ZFHX3: variants seen among roughly 807,000 people sequenced by gnomAD.
ZFHX3 encodes zinc finger homeobox protein 3.
In ZFHX3, 42 loss-of-function variants were observed where a neutral mutation model predicts 279.1. The ratio of observed to expected loss-of-function variants is 0.15; its 90% CI spans 0.12 to 0.19. ZFHX3 has a LOEUF of 0.19. Ranked by LOEUF, ZFHX3 falls within the 10% of genes least tolerant of loss-of-function variation. The pLI is 1.00. For synonymous variants in ZFHX3, 2,293 were observed against 1,957.8 expected (o/e 1.17, Z -4.52); for missense variants, 4,981 against 4,754.0 (o/e 1.05, Z -1.40).
chr16:73,105,356 C>CATAT (rs375625633), intron 7 of ZFHX3, among the ~76,000 whole-genome samples: 2,298 of 119,956 alleles, frequency 0.019, 91 homozygotes, highest in African/African-American at 0.055. Flanking sequence ...TATATATACA[C>CATAT]ATATATATAC....
chr16:73,313,461 C>T (rs562656616), intron 4 of ZFHX3, among the ~76,000 whole-genome samples: 1 of 152,270 alleles, frequency 6.6e-6, no homozygotes, highest in Admixed American at 6.5e-5. Context: ...GAATGCTGCA[C>T]CTATACAACT....
chr16:73,184,028 T>C (rs1967858190), intron 5 of ZFHX3, among the ~76,000 whole-genome samples: 1 of 152,176 alleles, frequency 6.6e-6, no homozygotes, highest in Non-Finnish European at 1.5e-5. Context: ...ACCATGTGTC[T>C]CTAAAGAAGA....
intron 2 of ZFHX3, among the ~76,000 whole-genome samples, chr16:73,591,714 A>G (rs866924632): frequency 2.8e-4 from 41 of 145,348 alleles, no homozygotes; most frequent in African/African-American, 7.5e-4. Context: ...AAAAAAAAAA[A>G]AAAAGAAAAG....
chr16:73,711,984 G>A (rs191073203), intron 1 of ZFHX3, among the ~76,000 whole-genome samples: 2 of 152,342 alleles, frequency 1.3e-5, no homozygotes, highest in African/African-American at 4.8e-5. Context: ...GAAAGAAGGG[G>A]AAGCAAAAGA....
intron 1 of ZFHX3, among the ~76,000 whole-genome samples, chr16:73,786,414 G>C (rs1032770766): frequency 6.6e-6 from 1 of 152,046 alleles, no homozygotes; most frequent in Non-Finnish European, 1.5e-5. Context: ...AAAAAAAACT[G>C]TTGGAAGCTC....
chr16:73,163,212 A>G lies in ZFHX3; in HGVS notation c.-1103-19381T>C, dbSNP rs547887149. On this transcript the variant is annotated intron_variant, in intron 5 of 17. Coordinates refer to the ZFHX3 transcript ENST00000641206. Reference sequence around the variant, plus strand: ...TTGTCCCATGAGACAGCTTAATGCAATAAGCACATACTGAGCCAGGTGCAG... The same window carrying G: ...TTGTCCCATGAGACAGCTTAATGCAGTAAGCACATACTGAGCCAGGTGCAG... 4.6e-5 allele frequency among the ~76,000 whole-genome samples: 7 copies of G among 152,348 alleles called. No individual in the cohort carries two copies. In the East Asian group the frequency reaches 5.8e-4, roughly 13 times the overall value.
intron 4 of ZFHX3, among the ~76,000 whole-genome samples, chr16:72,851,615 T>G (rs1447323717): frequency 2.0e-5 from 3 of 152,002 alleles, no homozygotes; most frequent in Non-Finnish European, 4.4e-5. Context: ...ACTGCAGTGG[T>G]GCAAGCTCTG....
chr16:72,832,280 G>A (rs1040728954), intron 4 of ZFHX3, among the ~76,000 whole-genome samples: 3 of 152,138 alleles, frequency 2.0e-5, no homozygotes, highest in Admixed American at 6.5e-5. Flanking sequence ...AGAAACTAGA[G>A]ACTGTAATGT....
intron 4 of ZFHX3, among the ~76,000 whole-genome samples, chr16:73,311,738 A>T (rs1349217205): frequency 1.3e-5 from 2 of 152,070 alleles, no homozygotes; most frequent in Non-Finnish European, 1.5e-5. Flanking sequence ...ATCAAATATA[A>T]TTTTTTTCCA....
intron 5 of ZFHX3, among the ~76,000 whole-genome samples, chr16:73,234,335 T>C (rs1264663513): frequency 2.6e-5 from 4 of 152,184 alleles, no homozygotes; most frequent in Admixed American, 2.0e-4. Context: ...AATCAGTAAA[T>C]GGCTGTCTCC....
At chr16:73,265,275 A>T (rs997334611) in intron 4 of ZFHX3, among the ~76,000 whole-genome samples, 1 of 152,134 alleles carries the variant, frequency 6.6e-6, no homozygotes, top group Admixed American at 6.5e-5. Flanking sequence ...TCGGCTGGGG[A>T]TCTGGAAATC....
intron 8 of ZFHX3, among the ~76,000 whole-genome samples, chr16:73,091,245 A>T (rs1966077218): frequency 6.6e-6 from 1 of 151,936 alleles, no homozygotes; most frequent in Non-Finnish European, 1.5e-5. Flanking sequence ...GAAAAAAAAA[A>T]AAGCAGTAAA....
chr16:73,157,466 A>G (rs75936122), intron 5 of ZFHX3, among the ~76,000 whole-genome samples: 2 of 41,156 alleles, frequency 4.9e-5, no homozygotes, highest in African/African-American at 3.5e-4. Flanking sequence ...AATGTTTGGT[A>G]AAAAAAAAAA....
At chr16:73,195,302 C>T (rs1024959157) in intron 5 of ZFHX3, among the ~76,000 whole-genome samples, 13 of 151,684 alleles carry the variant, frequency 8.6e-5, no homozygotes, top group African/African-American at 1.5e-4. Flanking sequence ...TGATTTTTTC[C>T]GAAAAAATCA....
chr16:72,880,015 G>A lies in ZFHX3; in HGVS notation c.3448+9716C>T, dbSNP rs191137615. 8.5e-5 allele frequency among the ~76,000 whole-genome samples: 13 copies of A among 152,242 alleles called. No individual in the cohort carries two copies. The East Asian group carries it at 1.4e-3, about 16-fold the overall frequency. On this transcript the variant is annotated intron_variant, in intron 4 of 9. Transcript: ENST00000268489. The stretch of plus-strand genomic sequence containing the variant: ...CTAACAAGTGTCTTTGAGCACTTCC[G>A]GCTTCATTTGGAGTCCCCTTCCAGC...
At chr16:73,622,348 G>T (rs2143906019) in intron 2 of ZFHX3, among the ~76,000 whole-genome samples, 1 of 152,286 alleles carries the variant, frequency 6.6e-6, no homozygotes, top group Middle Eastern at 3.4e-3. Flanking sequence ...CACGAGGTCA[G>T]GAGATCGAGA....
intron 4 of ZFHX3, chr16:73,294,001 A>G (rs1009524341): frequency 5.3e-5 from 8 of 151,456 alleles, no homozygotes; most frequent in African/African-American, 1.9e-4. Context: ...AAAAAAAAAA[A>G]AAAAAAAAAA....
At chr16:73,432,829 C>G (rs979427884) in intron 3 of ZFHX3, among the ~76,000 whole-genome samples, 5 of 152,056 alleles carry the variant, frequency 3.3e-5, no homozygotes, top group South Asian at 2.1e-4. Flanking sequence ...CACAAGGCTC[C>G]GGATAGATGG....
At chr16:73,264,756 C>A (rs530518498) in intron 4 of ZFHX3, among the ~76,000 whole-genome samples, 1 of 151,856 alleles carries the variant, frequency 6.6e-6, no homozygotes, top group Non-Finnish European at 1.5e-5. Context: ...CCCCTGAGTC[C>A]CCAAAGTCCA....
Sources: gnomAD v4.1 joint callset for allele counts (sites outside exome capture counted in the v4.1 genomes callset) on GRCh38, gnomAD v4.1.1 for gene constraint, MANE v1.5 for transcripts, NCBI Gene and HGNC (gene_info 2026-07-23, HGNC 2026-07-21) for gene names.